The following TJP1 variants were observed in gnomAD, a reference collection of about 807,000 sequenced individuals.
The protein encoded by TJP1 is tight junction protein 1.
In TJP1, 43 loss-of-function variants were observed where a neutral mutation model predicts 194.2. The observed-to-expected ratio is 0.22, with a 90% CI of 0.17 to 0.29. The LOEUF is 0.29. Among genes scored for constraint, TJP1 ranks in the 10% least tolerant of loss-of-function variants. TJP1 has a pLI of 1.00. For synonymous variants in TJP1, 801 were observed against 779.0 expected (o/e 1.03, Z -0.47); for missense variants, 1,971 against 2,185.7 (o/e 0.90, Z 1.96).
At chr15:29,920,744 T>C (rs1238692256) in intron 2 of TJP1, among the ~76,000 whole-genome samples, 1 of 152,146 alleles carries the variant, frequency 6.6e-6, no homozygotes, top group African/African-American at 2.4e-5. Context: ...GGAACTAGAG[T>C]GGCCCAGTCT....
chr15:29,747,399 C>T (rs557460083), intron 8 of TJP1, among the ~76,000 whole-genome samples: 6 of 151,958 alleles, frequency 3.9e-5, no homozygotes, highest in Non-Finnish European at 7.4e-5. Flanking sequence ...AAGCTCTATC[C>T]CCAAATTGTG....
intron 2 of TJP1, among the ~76,000 whole-genome samples, chr15:29,783,025 G>A (rs749605361): frequency 2.0e-5 from 3 of 152,096 alleles, no homozygotes; most frequent in African/African-American, 7.2e-5. Flanking sequence ...TGTAATACCA[G>A]CACTTTGGGA....
chr15:29,735,424 A>G (rs1054751712), intron 11 of TJP1, among the ~76,000 whole-genome samples: 29 of 152,004 alleles, frequency 1.9e-4, no homozygotes, highest in Middle Eastern at 3.4e-3. Context: ...CCCTGCCTCT[A>G]CAAAAAATAC....
intron 10 of TJP1, among the ~76,000 whole-genome samples, chr15:29,740,561 G>GGCA (rs1259872438): frequency 6.6e-6 from 1 of 151,994 alleles, no homozygotes; most frequent in Non-Finnish European, 1.5e-5. Flanking sequence ...GAGCCCAAGA[G>GGCA]GCAGAGGTTG....
chr15:29,785,899 T>G (rs2047670256), intron 2 of TJP1, among the ~76,000 whole-genome samples: 1 of 152,194 alleles, frequency 6.6e-6, no homozygotes. Flanking sequence ...GTCTCTATAC[T>G]ACTTGCCAAT....
intron 2 of TJP1, among the ~76,000 whole-genome samples, chr15:29,922,586 A>G (rs1316957463): frequency 1.3e-5 from 2 of 152,214 alleles, no homozygotes; most frequent in Non-Finnish European, 2.9e-5. Flanking sequence ...TGCAAGGGTT[A>G]GCTGTGTTAG....
At chr15:29,911,722 A>C (rs1272701539) in intron 2 of TJP1, among the ~76,000 whole-genome samples, 7 of 152,202 alleles carry the variant, frequency 4.6e-5, no homozygotes, top group Non-Finnish European at 8.8e-5. Context: ...TTATAATTTG[A>C]CTTGAGATTT....
chr15:29,822,277 C>A lies in TJP1; in HGVS notation c.-249G>T. ...CGGCACCTCCCTCCGAGCGCGGCCACCCACTCGGCCTCCCGCAGCTTTCGC... is the reference window on the plus strand; with the variant it reads ...CGGCACCTCCCTCCGAGCGCGGCCAACCACTCGGCCTCCCGCAGCTTTCGC... On this transcript the variant is annotated 5_prime_UTR_variant, in exon 1 of 28. Transcript: ENST00000614355. 8.7e-7 allele frequency: 1 copy of A among 1,150,072 alleles called. No individual in the cohort carries two copies. The highest frequency in any genetic ancestry group is 1.1e-6 in the Non-Finnish European group (1 of 935,122). The allele number at this position is 1,150,072 out of a possible 1,614,324, so 71.2% of individuals were successfully genotyped here. A position where few individuals can be genotyped will look rare whatever the true frequency, so the allele number is the denominator to read the frequency against.
chr15:29,744,229 A>G (rs531140466), intron 8 of TJP1, among the ~76,000 whole-genome samples: 2 of 152,320 alleles, frequency 1.3e-5, no homozygotes, highest in South Asian at 4.1e-4. Context: ...TGATAACATC[A>G]CTGGTAGGGA....
intron 1 of TJP1, among the ~76,000 whole-genome samples, chr15:29,808,502 A>G (rs892382449): frequency 6.6e-6 from 1 of 152,240 alleles, no homozygotes; most frequent in African/African-American, 2.4e-5. Context: ...TAAAAATTCA[A>G]AATAAAGTAA....
intron 12 of TJP1, 100 bp downstream of exon 12, chr15:29,734,173 AC>A (rs1220451697): frequency 4.1e-6 from 3 of 739,098 alleles, no homozygotes; most frequent in Non-Finnish European, 6.6e-6. Context: ...TTCATTCATC[AC>A]TCAACTATGA....
chr15:29,822,021 G>T lies in TJP1; in HGVS notation c.8C>A (p.Ala3Asp). 7.4e-7 allele frequency: 1 copy of T among 1,355,464 alleles called. No individual in the cohort carries two copies. The highest frequency in any genetic ancestry group is 9.5e-7 in the Non-Finnish European group (1 of 1,050,866). 84.0% of individuals were successfully genotyped at this position (1,355,464 alleles called of 1,614,324 possible). A position where few individuals can be genotyped will look rare whatever the true frequency, so the allele number is the denominator to read the frequency against. Residue 3 changes from alanine to aspartate, a missense_variant, in exon 1 of 28, where the codon GCC becomes GAC. Physicochemically the swap from Ala to Asp is moderately radical, Grantham distance 126. Around this residue, in one of 5 missense-constraint regions of TJP1, gnomAD observed 245 missense variants for 336.6 expected, o/e 0.73. Transcript: ENST00000614355. MS[A>D]RAAAAKSTAM... Reference sequence around the variant, plus strand: ...GCTCACCTTGGCGGCCGCAGCTCTGGCGGACATCTTGTCTCTCTCCAGCGC... The same window carrying T: ...GCTCACCTTGGCGGCCGCAGCTCTGTCGGACATCTTGTCTCTCTCCAGCGC...
In TJP1 at chr15:29,761,615, G is replaced by T; in HGVS notation, c.848C>A (p.Ala283Asp). The T allele has an allele frequency of 6.2e-7, 1 of 1,602,718 alleles. No individual in the cohort carries two copies. Among genetic ancestry groups the T allele is most frequent in the Non-Finnish European group, 8.5e-7 (1 of 1,171,080 alleles). The change falls in exon 7 of 28, where the codon GCC becomes GAC. Residue 283 changes from alanine (A) to aspartate (D), a missense_variant. Coordinates refer to ENST00000614355, the MANE Select transcript of TJP1 (RefSeq NM_001330239.4). ...DLSDSIHSAN[A>D]SERDDISEIQ... Reference sequence around the variant, plus strand: ...ATCACACTCACCGTCTCTCTCAGAGGCATTAGCAGAGTGGATGCTGTCAGA... The same window carrying T: ...ATCACACTCACCGTCTCTCTCAGAGTCATTAGCAGAGTGGATGCTGTCAGA...
chr15:29,963,363 T>G (rs1475404934), intron 1 of TJP1, among the ~76,000 whole-genome samples: 1 of 152,156 alleles, frequency 6.6e-6, no homozygotes, highest in Non-Finnish European at 1.5e-5. Context: ...ATTGTATGAG[T>G]CTGAGCAAGT....
rs1235915315 is a variant in TJP1 at position 29,719,263 on chromosome 15, T to A, written c.3004-125A>T. 3 of 1,184,926 alleles carry A rather than the reference T, an allele frequency of 2.5e-6. No homozygotes were observed. In the African/African-American group the frequency reaches 4.6e-5, roughly 18 times the overall value. 73.4% of individuals were successfully genotyped at this position (1,184,926 alleles called of 1,614,324 possible). A position where few individuals can be genotyped will look rare whatever the true frequency, so the allele number is the denominator to read the frequency against. ...AAATGGTATGTTTTACCATTTATTATCAGGATAGACAAGATTAGTGGAAAA... is the reference window on the plus strand; with the variant it reads ...AAATGGTATGTTTTACCATTTATTAACAGGATAGACAAGATTAGTGGAAAA... On this transcript the variant is annotated intron_variant, in intron 20 of 27. Transcript: ENST00000614355.
chr15:29,958,756 G>A (rs755023243), intron 1 of TJP1, among the ~76,000 whole-genome samples: 4 of 125,300 alleles, frequency 3.2e-5, no homozygotes, highest in Admixed American at 2.4e-4. Flanking sequence ...GCATTAGCAC[G>A]TCTTCATTCC....
rs371185217 is a variant in TJP1, at chr15:29,748,701, G to A, written c.1011-5920C>T. On this transcript the variant is annotated intron_variant, in intron 8 of 27. Transcript: ENST00000614355. ...AATCCTCCCACCTCAGCCTGCAAGA[G>A]TAGCTGGACTACAGATGCGTGCCAC... is the stretch of plus-strand genomic sequence containing the variant. Among the ~76,000 whole-genome samples, 24 of 150,718 alleles carry A rather than the reference G, an allele frequency of 1.6e-4. No homozygotes were observed. In the South Asian group the frequency reaches 3.8e-3, roughly 24 times the overall value.
At chr15:29,927,181 G>A (rs139088934) in intron 2 of TJP1, among the ~76,000 whole-genome samples, 109 of 152,172 alleles carry the variant, frequency 7.2e-4, no homozygotes, top group African/African-American at 2.5e-3. Context: ...TTAGCTAGGC[G>A]TGGTGGCGCA....
chr15:29,725,422 CCAGG>C, intron 18 of TJP1, among the ~76,000 whole-genome samples: 1 of 152,178 alleles, frequency 6.6e-6, no homozygotes, highest in Middle Eastern at 3.4e-3. Context: ...GTAGCCACAG[CCAGG>C]CAGAGGAAGG....
Sources: allele counts gnomAD v4.1 joint callset (sites outside exome capture counted in the v4.1 genomes callset), GRCh38; gene constraint gnomAD v4.1.1; regional missense constraint gnomAD v4.1.1; transcripts MANE v1.5; gene names NCBI Gene and HGNC (gene_info 2026-07-23, HGNC 2026-07-21).